The following PSPC1 variants were observed in gnomAD, a reference collection of about 807,000 sequenced individuals.
PSPC1 encodes paraspeckle protein 1.
In PSPC1, 14 loss-of-function variants were observed where a neutral mutation model predicts 51.6. The ratio of observed to expected loss-of-function variants is 0.27; its 90% CI spans 0.18 to 0.42. The LOEUF is 0.42. PSPC1 is among the 10% of genes least tolerant of loss of function. PSPC1 has a pLI of 1.00. For missense variants in PSPC1, 406 were observed against 701.1 expected (o/e 0.58, Z 4.75); for synonymous variants, 193 against 231.9 (o/e 0.83, Z 1.53).
chr13:19,756,831 C>T (rs938698168), intron 3 of PSPC1, among the ~76,000 whole-genome samples: 36 of 152,032 alleles, frequency 2.4e-4, no homozygotes, highest in African/African-American at 7.9e-4. Flanking sequence ...CTTCTGGAAA[C>T]GTCAAAGACA....
chr13:19,747,719 G>A (rs1470797664), intron 4 of PSPC1, among the ~76,000 whole-genome samples: 4 of 152,008 alleles, frequency 2.6e-5, no homozygotes, highest in Admixed American at 2.6e-4. Context: ...TTTCATTAAA[G>A]AATACAAAAG....
intron 5 of PSPC1, among the ~76,000 whole-genome samples, chr13:19,731,446 C>A (rs1452830982): frequency 6.6e-6 from 1 of 152,078 alleles, no homozygotes; most frequent in African/African-American, 2.4e-5. Flanking sequence ...CAGGGTCTTA[C>A]TCTGTCACCC....
chr13:19,711,639 T>TAA (rs143917566), intron 6 of PSPC1, among the ~76,000 whole-genome samples: 1,347 of 80,378 alleles, frequency 0.017, 42 homozygotes, highest in South Asian at 0.021. Context: ...CTCCGTCTCA[T>TAA]AAAAAAAAAA....
In PSPC1 at chr13:19,725,251, A is replaced by T. The variant is rs148663609; in HGVS notation, c.1158+4988T>A. On this transcript the variant is annotated intron_variant, in intron 6 of 8. Coordinates refer to ENST00000338910, the MANE Select transcript of PSPC1 (RefSeq NM_001354909.2). ...GACTCTTTACCATTTCTTCCCATTAACTTTTGCTCTGGTTTATAACCATGA... is the reference window on the plus strand; with the variant it reads ...GACTCTTTACCATTTCTTCCCATTATCTTTTGCTCTGGTTTATAACCATGA... Among the ~76,000 whole-genome samples the T allele has an allele frequency of 5.9e-5, 9 of 152,188 alleles. No individual in the cohort carries two copies. In the East Asian group the frequency reaches 1.7e-3, roughly 29 times the overall value.
chr13:19,720,365 T>C (rs543586302), intron 6 of PSPC1, among the ~76,000 whole-genome samples: 7 of 152,256 alleles, frequency 4.6e-5, no homozygotes, highest in East Asian at 3.9e-4. Context: ...CAGTTCCAAA[T>C]TGGTCCCGTC....
chr13:19,671,317 T>A (rs748260358), downstream of PSPC1: 3 of 1,573,888 alleles, frequency 1.9e-6, no homozygotes, highest in Non-Finnish European at 1.7e-6. Flanking sequence ...ACATTTAGTG[T>A]CACTACTCAA....
intron 7 of PSPC1, among the ~76,000 whole-genome samples, chr13:19,708,889 G>A (rs1270463453): frequency 6.6e-6 from 1 of 152,138 alleles, no homozygotes; most frequent in Non-Finnish European, 1.5e-5. Context: ...TAGGACAGGC[G>A]AGGTGGCTCA....
At chr13:19,672,873 A>T, downstream of PSPC1, 1 of 344,404 alleles carries the variant, frequency 2.9e-6, no homozygotes, top group Non-Finnish European at 5.7e-6. Flanking sequence ...CTGAGGTTGG[A>T]GGATTGCTTA....
chr13:19,698,929 ATACACTG>A (rs1442937545), downstream of PSPC1, among the ~76,000 whole-genome samples: 2 of 151,930 alleles, frequency 1.3e-5, no homozygotes, highest in Non-Finnish European at 2.9e-5. Context: ...GAAAAAACAC[ATACACTG>A]TTAATTTCAT....
intron 7 of PSPC1, chr13:19,677,579 A>G (rs991800458): frequency 2.9e-6 from 1 of 340,044 alleles, no homozygotes; most frequent in African/African-American, 2.2e-5. Flanking sequence ...GTTCATAAAT[A>G]TTCTACTGAC....
Position 19,683,929 on chromosome 13 carries a change from T to C in PSPC1, c.1159-6106A>G, listed in dbSNP as rs571029178. 3.3e-4 allele frequency among the ~76,000 whole-genome samples: 50 copies of C among 152,248 alleles called. No individual in the cohort carries two copies. The South Asian group carries it at 1.0e-2, about 30-fold the overall frequency. ...AGCAAAGACTCATAGTTGAATAAAGTACAATATGATGACTTTATCAAACAT... is the reference window on the plus strand; with the variant it reads ...AGCAAAGACTCATAGTTGAATAAAGCACAATATGATGACTTTATCAAACAT... On this transcript the variant is annotated intron_variant and NMD_transcript_variant, in intron 6 of 7. Transcript: ENST00000471658.
chr13:19,752,598 A>T (rs7335625), intron 3 of PSPC1, among the ~76,000 whole-genome samples: 120,564 of 151,292 alleles, frequency 0.8, 49,279 homozygotes, highest in East Asian at 0.96. Context: ...TTATTTATTT[A>T]TTTTTGAGAC....
intron 6 of PSPC1, among the ~76,000 whole-genome samples, chr13:19,694,002 A>G (rs1368203137): frequency 6.6e-6 from 1 of 151,596 alleles, no homozygotes; most frequent in Non-Finnish European, 1.5e-5. Context: ...GGGCGCCTGT[A>G]GTCCCAGCTA....
intron 3 of PSPC1, among the ~76,000 whole-genome samples, chr13:19,756,242 T>A (rs1887054694): frequency 6.6e-6 from 1 of 151,950 alleles, no homozygotes; most frequent in Non-Finnish European, 1.5e-5. Context: ...TCTCAAAAAA[T>A]AAATAAGTAG....
Position 19,782,863 on chromosome 13 carries a change from C to G in PSPC1, c.-106G>C, listed in dbSNP as rs937113258. The stretch of plus-strand genomic sequence containing the variant: ...TAAACCTATGCCAACAAAATATCGA[C>G]AATCAAGAGACCGCTAGGTAGGCGA... On this transcript the variant is annotated 5_prime_UTR_variant, in exon 1 of 9. Coordinates refer to ENST00000338910, the MANE Select transcript of PSPC1 (RefSeq NM_001354909.2). The surrounding 1 kb of genome is among the most constrained non-coding windows in gnomAD (Gnocchi z 4.5). 17 of 1,284,926 alleles carry G rather than the reference C, an allele frequency of 1.3e-5. No individual in the cohort carries two copies. Among genetic ancestry groups the G allele is most frequent in the Non-Finnish European group, 1.7e-5 (17 of 995,528 alleles). 79.6% of individuals were successfully genotyped at this position (1,284,926 alleles called of 1,614,324 possible).
chr13:19,729,073 C>T (rs908415252), intron 6 of PSPC1, among the ~76,000 whole-genome samples: 1 of 151,984 alleles, frequency 6.6e-6, no homozygotes, highest in Non-Finnish European at 1.5e-5. Context: ...TAATAAAAAC[C>T]AGGCAGTAGT....
At chr13:19,689,869 G>T (rs2137637716) in intron 6 of PSPC1, among the ~76,000 whole-genome samples, 1 of 152,258 alleles carries the variant, frequency 6.6e-6, no homozygotes, top group East Asian at 1.9e-4. Context: ...CGATTTTACA[G>T]GTAATGTTTT....
At chr13:19,694,054 C>T (rs1028978321) in intron 6 of PSPC1, among the ~76,000 whole-genome samples, 5 of 126,750 alleles carry the variant, frequency 3.9e-5, no homozygotes, top group Admixed American at 1.0e-4. Context: ...ACCCGGGAGG[C>T]GGAGCCTGCA....
downstream of PSPC1, chr13:19,672,020 A>G (rs913042184): frequency 5.3e-6 from 4 of 752,468 alleles, no homozygotes; most frequent in Non-Finnish European, 9.0e-6. Context: ...TGTAGTCTGT[A>G]AGATGCGACA....
Sources: allele counts gnomAD v4.1 joint callset (sites outside exome capture counted in the v4.1 genomes callset), GRCh38; gene constraint gnomAD v4.1.1; non-coding constraint Gnocchi (gnomAD v3.1); transcripts MANE v1.5; gene names NCBI Gene and HGNC (gene_info 2026-07-23, HGNC 2026-07-21).